Variants in AVEN observed in about 807,000 individuals in gnomAD.
AVEN encodes cell death regulator Aven.
AVEN carries 41 observed loss-of-function variants against 38.1 expected under a neutral mutation model. The ratio of observed to expected loss-of-function variants is 1.08; its 90% CI spans 0.84 to 1.40. The LOEUF is 1.40. Ranked by LOEUF, AVEN falls within the 40% of genes most tolerant of loss-of-function variation. The pLI, the probability that AVEN is intolerant of heterozygous loss-of-function variation, is 0.00. For synonymous variants in AVEN, 206 were observed against 171.8 expected (o/e 1.20, Z -1.56); for missense variants, 605 against 438.8 (o/e 1.38, Z -3.38).
intron 2 of AVEN, chr15:33,992,007 G>C (rs538601680): frequency 1.2e-4 from 18 of 152,414 alleles, no homozygotes; most frequent in African/African-American, 4.1e-4. Flanking sequence ...ACAAAGAATT[G>C]CTTCAAAACA....
At chr15:33,995,004 G>C (rs1052719520) in intron 2 of AVEN, among the ~76,000 whole-genome samples, 4 of 152,190 alleles carry the variant, frequency 2.6e-5, no homozygotes, top group Non-Finnish European at 1.5e-5. Flanking sequence ...GCTCACACCT[G>C]TAATCTCAGC....
rs189763970 is a variant in AVEN, at chr15:33,979,490, C to T, written c.445+23542G>A. ...ACAAAGCAAGACCCTGTCTCAAAAA[C>T]AAGCAAGCAAATAAAACTGCACTAT... On this transcript the variant is annotated intron_variant, in intron 2 of 5. Transcript: ENST00000306730. Among the ~76,000 whole-genome samples the T allele has an allele frequency of 2.6e-4, 40 of 152,278 alleles. No homozygotes were observed. In the East Asian group the frequency reaches 6.4e-3, roughly 24 times the overall value.
At chr15:34,067,181 TTGA>T (rs1458325940) in intron 2 of AVEN, 1 of 152,248 alleles carries the variant, frequency 6.6e-6, no homozygotes, top group East Asian at 1.9e-4. Flanking sequence ...GGCTGTGAAT[TTGA>T]TGACTTGTCA....
At chr15:34,062,418 G>A (rs567505210) in intron 5 of AVEN, among the ~76,000 whole-genome samples, 1 of 152,162 alleles carries the variant, frequency 6.6e-6, no homozygotes, top group Non-Finnish European at 1.5e-5. Context: ...AGCTGGGCGT[G>A]GTGGTGGGAG....
chr15:33,961,583 G>GCGGA (rs1321968603), intron 2 of AVEN, among the ~76,000 whole-genome samples: 1 of 151,904 alleles, frequency 6.6e-6, no homozygotes, highest in Non-Finnish European at 1.5e-5. Context: ...GGAGGCCAAG[G>GCGGA]TGGGCGAATC....
chr15:34,043,522 A>G (rs767906158), upstream of AVEN, among the ~76,000 whole-genome samples: 4 of 152,180 alleles, frequency 2.6e-5, no homozygotes, highest in Non-Finnish European at 4.4e-5. Context: ...AGCTCCATCT[A>G]CTACTGAGGG....
At chr15:33,966,942 C>T (rs1357930304) in intron 2 of AVEN, among the ~76,000 whole-genome samples, 4 of 152,024 alleles carry the variant, frequency 2.6e-5, no homozygotes, top group African/African-American at 7.2e-5. Flanking sequence ...ATTTTTACTT[C>T]TCTCATTTTG....
intron 5 of AVEN, 25 bp from the exon 6 acceptor site, chr15:33,866,753 C>G: frequency 6.5e-7 from 1 of 1,540,016 alleles, no homozygotes; most frequent in East Asian, 2.2e-5. Context: ...ACAATGTTAA[C>G]ACCCTCAGAT....
chr15:33,964,904 G>A (rs563693351), intron 2 of AVEN, among the ~76,000 whole-genome samples: 101 of 152,230 alleles, frequency 6.6e-4, no homozygotes, highest in African/African-American at 2.4e-3. Flanking sequence ...GGAGTCTCAC[G>A]CTTAAGTTGA....
intron 2 of AVEN, among the ~76,000 whole-genome samples, chr15:33,961,735 C>A (rs1184541448): frequency 7.0e-6 from 1 of 143,520 alleles, no homozygotes; most frequent in Non-Finnish European, 1.5e-5. Context: ...ATGGCGTGAA[C>A]CCGGGAGGCG....
chr15:34,053,582 G>T (rs1271667747), intron 5 of AVEN, among the ~76,000 whole-genome samples: 1 of 151,866 alleles, frequency 6.6e-6, no homozygotes, highest in Non-Finnish European at 1.5e-5. Context: ...GTGGGGAAAG[G>T]ATTCCCTATT....
intron 2 of AVEN, among the ~76,000 whole-genome samples, chr15:33,933,512 CACACACACACACAGAGAGAGAG>C (rs2153051528): frequency 1.7e-5 from 2 of 120,252 alleles, no homozygotes; most frequent in Admixed American, 1.8e-4. Flanking sequence ...CACACACACA[CACACACACACACAGAGAGAGAG>C]AGAGAGAGAG....
chr15:33,910,834 C>G (rs1892889915), intron 2 of AVEN, among the ~76,000 whole-genome samples: 1 of 152,204 alleles, frequency 6.6e-6, no homozygotes, highest in Non-Finnish European at 1.5e-5. Flanking sequence ...TAAGGGGCAT[C>G]CCAGTTCTAC....
At chr15:33,900,627 C>CA (rs34818160) in intron 2 of AVEN, among the ~76,000 whole-genome samples, 76,236 of 148,416 alleles carry the variant, frequency 0.51, 20,933 homozygotes, top group Middle Eastern at 0.66. Flanking sequence ...TTTTTAAATA[C>CA]AAAAAAAAAA....
intron 2 of AVEN, among the ~76,000 whole-genome samples, chr15:33,909,854 C>T (rs1892851365): frequency 6.6e-6 from 1 of 151,968 alleles, no homozygotes; most frequent in Non-Finnish European, 1.5e-5. Context: ...GCTGGCCGGG[C>T]ACGGTGGCTC....
chr15:33,897,248 G>C, intron 2 of AVEN, among the ~76,000 whole-genome samples: 1 of 151,918 alleles, frequency 6.6e-6, no homozygotes, highest in South Asian at 2.1e-4. Flanking sequence ...TACCTAAAAA[G>C]GCTGAATTTT....
chr15:34,065,920 T>C (rs1190018901), intron 4 of AVEN: 1 of 152,040 alleles, frequency 6.6e-6, no homozygotes, highest in Non-Finnish European at 1.5e-5. Flanking sequence ...TCTCATTTGC[T>C]AAGAGGATGG....
chr15:33,959,036 A>C (rs952215820), intron 2 of AVEN, among the ~76,000 whole-genome samples: 1 of 152,162 alleles, frequency 6.6e-6, no homozygotes. Flanking sequence ...AGCAGGGTCA[A>C]GATTTTCCCA....
chr15:33,923,097 T>A (rs1195839941), intron 2 of AVEN, among the ~76,000 whole-genome samples: 1 of 151,714 alleles, frequency 6.6e-6, no homozygotes, highest in East Asian at 1.9e-4. Context: ...TAGAAAGTTT[T>A]CACAAGATTA....
Sources: gnomAD v4.1 joint callset for allele counts (sites outside exome capture counted in the v4.1 genomes callset) on GRCh38, gnomAD v4.1.1 for gene constraint, MANE v1.5 for transcripts, NCBI Gene and HGNC (gene_info 2026-07-23, HGNC 2026-07-21) for gene names.